Variants in ATP6V1H observed in about 807,000 individuals in gnomAD.
The protein encoded by ATP6V1H is V-type proton ATPase subunit H.
Under a neutral mutation model 71.7 loss-of-function variants are expected in ATP6V1H, and 39 were observed. That is an observed-to-expected ratio of 0.54 (90% CI 0.42 to 0.71). ATP6V1H has a LOEUF of 0.71. ATP6V1H is among the 30% of genes least tolerant of loss of function. The probability of loss-of-function intolerance (pLI) is 0.00; values close to 1 mark genes in which losing one functional copy is unlikely to be tolerated. For missense variants in ATP6V1H, 509 were observed against 594.9 expected (o/e 0.86, Z 1.50); for synonymous variants, 192 against 199.3 (o/e 0.96, Z 0.31).
intron 2 of ATP6V1H, chr8:53,840,081 A>C: frequency 4.4e-6 from 1 of 227,708 alleles, no homozygotes; most frequent in Non-Finnish European, 7.3e-6. Context: ...CTAAATACCC[A>C]TCATCCTCAA....
intron 11 of ATP6V1H, among the ~76,000 whole-genome samples, chr8:53,759,802 C>A (rs1476280595): frequency 6.6e-6 from 1 of 152,144 alleles, no homozygotes; most frequent in Admixed American, 6.5e-5. Context: ...AAACTACTAA[C>A]ATACAAGCTA....
chr8:53,744,033 G>A (rs1463250518), intron 12 of ATP6V1H, among the ~76,000 whole-genome samples: 1 of 152,034 alleles, frequency 6.6e-6, no homozygotes, highest in Non-Finnish European at 1.5e-5. Context: ...TTTCTTGCTT[G>A]TTTAATATCA....
chr8:53,736,739 C>T (rs1167163644), intron 13 of ATP6V1H, among the ~76,000 whole-genome samples: 1 of 152,176 alleles, frequency 6.6e-6, no homozygotes. Context: ...AGAATGAGAA[C>T]TCCCACTAAT....
intron 2 of ATP6V1H, among the ~76,000 whole-genome samples, chr8:53,839,338 C>G (rs1811272417): frequency 6.6e-6 from 1 of 152,156 alleles, no homozygotes; most frequent in African/African-American, 2.4e-5. Flanking sequence ...AATTAGGAAA[C>G]AGAGCTCAGA....
chr8:53,817,478 T>C lies in ATP6V1H; in HGVS notation c.359A>G (p.Asn120Ser), dbSNP rs1325233264. 6 of 1,613,798 alleles carry C rather than the reference T, an allele frequency of 3.7e-6. No individual in the cohort carries two copies. The highest frequency in any genetic ancestry group is 1.3e-5 in the African/African-American group (1 of 74,914). The change falls in exon 5 of 14, where the codon AAC (asparagine) becomes AGC (serine). Residue 120 changes from asparagine to serine, a missense_variant. By Grantham distance (46) the Asn-to-Ser change is conservative. Transcript: ENST00000359530. ...TGGCAGAAAGTAGGGCCACGCAGTGTTCTTGCTACATCTTGCATAGTCAAA... is the reference window on the plus strand; with the variant it reads ...TGGCAGAAAGTAGGGCCACGCAGTGCTCTTGCTACATCTTGCATAGTCAAA... ...IFFDYARCSKNTAWPYFLPML... is the reference protein window; with the variant it reads ...IFFDYARCSKSTAWPYFLPML...
rs571153685 is a variant in ATP6V1H at position 53,786,670 on chromosome 8, C to G, written c.870+8977G>C. Among the ~76,000 whole-genome samples the G allele has an allele frequency of 2.2e-3, 339 of 152,324 alleles. 2 individuals are homozygous for G. The highest frequency in any genetic ancestry group is 7.9e-3 in the African/African-American group (328 of 41,576). Reference sequence around the variant, plus strand: ...ACTATTGAGCCATCTTGGCTCCACTCCCTGAAATATGTTATTCCTTCTCTA... The same window carrying G: ...ACTATTGAGCCATCTTGGCTCCACTGCCTGAAATATGTTATTCCTTCTCTA... On this transcript the variant is annotated intron_variant, in intron 9 of 13. Transcript: ENST00000359530.
chr8:53,825,656 A>G (rs1440653975), intron 4 of ATP6V1H, among the ~76,000 whole-genome samples: 2 of 152,162 alleles, frequency 1.3e-5, no homozygotes, highest in Non-Finnish European at 2.9e-5. Flanking sequence ...CACTATGGCA[A>G]AGACTGACAT....
At chr8:53,742,060 T>C (rs1186592153) in intron 13 of ATP6V1H, among the ~76,000 whole-genome samples, 1 of 151,724 alleles carries the variant, frequency 6.6e-6, no homozygotes, top group Non-Finnish European at 1.5e-5. Context: ...CTTGCAATGG[T>C]TTTCAACTCA....
At chr8:53,798,013 C>A (rs935015726) in intron 8 of ATP6V1H, among the ~76,000 whole-genome samples, 2 of 152,166 alleles carry the variant, frequency 1.3e-5, no homozygotes, top group African/African-American at 4.8e-5. Context: ...CAATTACCCC[C>A]AGCAAAGGCC....
At position 53,819,011 on chromosome 8, in the gene ATP6V1H, GC is replaced by G. The variant is rs1810543605; in HGVS notation, c.307-1482del. On this transcript the variant is annotated intron_variant, in intron 4 of 13. Transcript: ENST00000359530. ...GCTTGAGCCCAGGAGTTCAAGACCAGCCTGGGCAACATAGTGATACCCCATC... is the reference window on the plus strand; with the variant it reads ...GCTTGAGCCCAGGAGTTCAAGACCAGCTGGGCAACATAGTGATACCCCATC... Among the ~76,000 whole-genome samples the G allele has an allele frequency of 2.6e-5, 4 of 151,878 alleles. No individual in the cohort carries two copies. The South Asian group carries it at 8.3e-4, about 32-fold the overall frequency.
At chr8:53,806,704 T>C in intron 7 of ATP6V1H, 1 of 369,976 alleles carries the variant, frequency 2.7e-6, no homozygotes, top group South Asian at 2.1e-5. Flanking sequence ...ACTTTGAAAA[T>C]GACATGTAAA....
At chr8:53,806,371 T>G (rs1810078446) in intron 7 of ATP6V1H, among the ~76,000 whole-genome samples, 1 of 152,058 alleles carries the variant, frequency 6.6e-6, no homozygotes, top group South Asian at 2.1e-4. Context: ...CCCCAAGAAT[T>G]CTCTTGAAGT....
intron 9 of ATP6V1H, among the ~76,000 whole-genome samples, chr8:53,775,861 G>A (rs1029309725): frequency 5.3e-5 from 8 of 152,264 alleles, no homozygotes; most frequent in African/African-American, 1.9e-4. Flanking sequence ...CACTGGGGCT[G>A]CAGGTGGAGC....
At chr8:53,739,158 G>A (rs1807330932) in intron 13 of ATP6V1H, among the ~76,000 whole-genome samples, 1 of 152,094 alleles carries the variant, frequency 6.6e-6, no homozygotes, top group South Asian at 2.1e-4. Context: ...TTCTAATTTA[G>A]AAATTAGAAA....
intron 7 of ATP6V1H, among the ~76,000 whole-genome samples, chr8:53,804,900 G>A (rs1810028632): frequency 6.6e-6 from 1 of 152,146 alleles, no homozygotes; most frequent in African/African-American, 2.4e-5. Context: ...TGCTGAAAAT[G>A]CAAGCTCTTA....
intron 7 of ATP6V1H, among the ~76,000 whole-genome samples, chr8:53,805,436 T>C (rs1229089505): frequency 6.6e-6 from 1 of 152,246 alleles, no homozygotes; most frequent in Non-Finnish European, 1.5e-5. Flanking sequence ...TTTCTTTTTC[T>C]TTTAAAACTA....
At chr8:53,741,748 A>T (rs1170479690) in intron 13 of ATP6V1H, among the ~76,000 whole-genome samples, 1 of 152,190 alleles carries the variant, frequency 6.6e-6, no homozygotes, top group Non-Finnish European at 1.5e-5. Context: ...TGGGGTTTTC[A>T]CCTTCTGTTT....
At chr8:53,840,533 T>C (rs904808689) in intron 2 of ATP6V1H, among the ~76,000 whole-genome samples, 3 of 152,024 alleles carry the variant, frequency 2.0e-5, no homozygotes. Flanking sequence ...AAATGATCTA[T>C]TAATACATCT....
intron 13 of ATP6V1H, among the ~76,000 whole-genome samples, chr8:53,732,644 T>A: frequency 6.6e-6 from 1 of 150,772 alleles, no homozygotes; most frequent in African/African-American, 2.4e-5. Flanking sequence ...CCAGCCCTGT[T>A]TAACAGCTTA....
Sources: gnomAD v4.1 joint callset for allele counts (sites outside exome capture counted in the v4.1 genomes callset) on GRCh38, gnomAD v4.1.1 for gene constraint, MANE v1.5 for transcripts, NCBI Gene and HGNC (gene_info 2026-07-23, HGNC 2026-07-21) for gene names.